PPARGC1A: variants seen among roughly 807,000 people sequenced by gnomAD.
The protein encoded by PPARGC1A is peroxisome proliferator-activated receptor gamma coactivator 1-alpha.
A neutral mutation model predicts 88.7 loss-of-function variants in PPARGC1A; 25 were observed. The observed-to-expected ratio is 0.28, with a 90% CI of 0.21 to 0.39. The LOEUF (loss-of-function observed/expected upper bound fraction) is 0.39, where lower values mean the gene tolerates loss of function less well. Among genes scored for constraint, PPARGC1A ranks in the 10% least tolerant of loss-of-function variants. The probability of loss-of-function intolerance (pLI) is 1.00; values close to 1 mark genes in which losing one functional copy is unlikely to be tolerated. For synonymous variants in PPARGC1A, 363 were observed against 355.6 expected (o/e 1.02, Z -0.24); for missense variants, 880 against 968.7 (o/e 0.91, Z 1.22).
At chr4:24,253,559 A>C in the PPARGC1A span, among the ~76,000 whole-genome samples, 5 of 152,232 alleles carry the variant, frequency 3.3e-5, no homozygotes, top group African/African-American at 1.2e-4. Context: ...TTGAGGGGGA[A>C]TTTCAAACAC....
chr4:24,203,895 T>C, the PPARGC1A span, among the ~76,000 whole-genome samples: 2 of 152,362 alleles, frequency 1.3e-5, no homozygotes, highest in Admixed American at 1.3e-4. Context: ...CATTTAAAAA[T>C]GTATGGTTCA....
the PPARGC1A span, among the ~76,000 whole-genome samples, chr4:24,305,152 TACACAC>T: frequency 6.8e-6 from 1 of 147,552 alleles, no homozygotes. Context: ...TATATATACA[TACACAC>T]ATATATATGT....
the PPARGC1A span, among the ~76,000 whole-genome samples, chr4:24,409,359 G>A: frequency 6.6e-6 from 1 of 152,300 alleles, no homozygotes; most frequent in African/African-American, 2.4e-5. Flanking sequence ...TCAAATCCCA[G>A]CTCTGCCTTC....
the PPARGC1A span, among the ~76,000 whole-genome samples, chr4:24,383,907 C>A: frequency 6.6e-6 from 1 of 152,016 alleles, no homozygotes; most frequent in Non-Finnish European, 1.5e-5. Context: ...GAAGAGCAAC[C>A]CCAAGCCACA....
At chr4:23,864,196 T>TAGTTTTAAG (rs1731740367) in intron 2 of PPARGC1A, among the ~76,000 whole-genome samples, 2 of 152,242 alleles carry the variant, frequency 1.3e-5, no homozygotes, top group South Asian at 4.1e-4. Flanking sequence ...TTAAGGACAC[T>TAGTTTTAAG]GAAGGCAGGG....
chr4:24,030,183 A>G, the PPARGC1A span, among the ~76,000 whole-genome samples: 2 of 152,218 alleles, frequency 1.3e-5, no homozygotes, highest in African/African-American at 2.4e-5. Flanking sequence ...CCAGTATGTG[A>G]TTGGTTGCAA....
the PPARGC1A span, among the ~76,000 whole-genome samples, chr4:23,942,339 T>C: frequency 6.6e-6 from 1 of 152,310 alleles, no homozygotes; most frequent in East Asian, 1.9e-4. Context: ...TTAGATTTTA[T>C]ATCTAAATGA....
the PPARGC1A span, among the ~76,000 whole-genome samples, chr4:24,349,171 G>A: frequency 1.3e-5 from 2 of 152,200 alleles, no homozygotes; most frequent in African/African-American, 4.8e-5. Flanking sequence ...TCCCTCAGCC[G>A]TGGATACCGG....
chr4:24,266,255 G>A, the PPARGC1A span, among the ~76,000 whole-genome samples: 2,173 of 152,304 alleles, frequency 0.014, 62 homozygotes, highest in African/African-American at 0.049. Context: ...TCTCCCACTT[G>A]GGACCAGATG....
chr4:24,433,484 A>G, the PPARGC1A span, among the ~76,000 whole-genome samples: 1 of 152,312 alleles, frequency 6.6e-6, no homozygotes, highest in South Asian at 2.1e-4. Flanking sequence ...CATCTCTTTT[A>G]ACCCATGCTA....
chr4:24,117,579 T>C, the PPARGC1A span, among the ~76,000 whole-genome samples: 1 of 151,030 alleles, frequency 6.6e-6, no homozygotes, highest in Non-Finnish European at 1.5e-5. Flanking sequence ...AAAAAACGTG[T>C]CTTTGCAATT....
the PPARGC1A span, among the ~76,000 whole-genome samples, chr4:23,944,021 GT>G: frequency 6.6e-6 from 1 of 152,118 alleles, no homozygotes; most frequent in African/African-American, 2.4e-5. Flanking sequence ...TAAATGAAAT[GT>G]GGTGTCCTAG....
chr4:24,466,911 G>A, the PPARGC1A span, among the ~76,000 whole-genome samples: 2 of 114,394 alleles, frequency 1.7e-5, no homozygotes, highest in East Asian at 2.2e-4. Context: ...GAGGAAGGAA[G>A]GAAGGAAGGG....
chr4:23,828,745 T>C (rs1724465743), intron 4 of PPARGC1A, 141 bp from the exon 5 acceptor site: 3 of 713,560 alleles, frequency 4.2e-6, no homozygotes, highest in Admixed American at 2.9e-5. Context: ...AATAACTGTT[T>C]GCAGAACAAG....
the PPARGC1A span, among the ~76,000 whole-genome samples, chr4:24,409,376 C>T: frequency 6.6e-6 from 1 of 152,228 alleles, no homozygotes; most frequent in Non-Finnish European, 1.5e-5. Flanking sequence ...CTTCTCCTAG[C>T]TGAGATTCCT....
the PPARGC1A span, among the ~76,000 whole-genome samples, chr4:24,162,591 C>CTTTT: frequency 7.8e-6 from 1 of 128,054 alleles, no homozygotes. Context: ...TCCTTACTTC[C>CTTTT]TTTTTTTTTT....
the PPARGC1A span, among the ~76,000 whole-genome samples, chr4:24,396,319 T>A: frequency 6.6e-6 from 1 of 152,154 alleles, no homozygotes; most frequent in South Asian, 2.1e-4. Flanking sequence ...TTACACATGC[T>A]CATTCTAGAT....
intron 1 of PPARGC1A, chr4:23,889,498 A>C: frequency 2.2e-6 from 1 of 444,942 alleles, no homozygotes; most frequent in Non-Finnish European, 3.0e-6. Flanking sequence ...GAACACATCC[A>C]TTTTAATATT....
At chr4:24,338,239 C>T in the PPARGC1A span, among the ~76,000 whole-genome samples, 16 of 152,182 alleles carry the variant, frequency 1.1e-4, no homozygotes, top group South Asian at 6.3e-4. Context: ...CCACACCGAG[C>T]GCATTTAGAG....
Sources: allele counts gnomAD v4.1 joint callset (sites outside exome capture counted in the v4.1 genomes callset), GRCh38; gene constraint gnomAD v4.1.1; transcripts MANE v1.5; gene names NCBI Gene and HGNC (gene_info 2026-07-23, HGNC 2026-07-21).